RERG: variants seen among roughly 807,000 people sequenced by gnomAD.
RERG encodes the protein ras-related and estrogen-regulated growth inhibitor.
Under a neutral mutation model 23.2 loss-of-function variants are expected in RERG, and 25 were observed. That is an observed-to-expected ratio of 1.08 (90% CI 0.79 to 1.50). The LOEUF (loss-of-function observed/expected upper bound fraction) is 1.50. Among genes scored for constraint, RERG ranks in the 40% most tolerant of loss-of-function variants. The pLI, the probability that RERG is intolerant of heterozygous loss-of-function variation, is 0.00. For missense variants in RERG, 253 were observed against 250.1 expected, an observed-to-expected ratio of 1.01 and a Z score of -0.08; for synonymous variants, 81 against 89.1, an observed-to-expected ratio of 0.91 and a Z score of 0.51.
At chr12:15,126,946 C>G (rs1863958936) in intron 2 of RERG, among the ~76,000 whole-genome samples, 1 of 151,972 alleles carries the variant, frequency 6.6e-6, no homozygotes, top group Non-Finnish European at 1.5e-5. Flanking sequence ...TCTTGATCTC[C>G]TGACCTTGTG....
At chr12:15,144,632 C>T (rs1188241210) in intron 2 of RERG, among the ~76,000 whole-genome samples, 1 of 152,062 alleles carries the variant, frequency 6.6e-6, no homozygotes, top group Admixed American at 6.6e-5. Context: ...AATTGGTGGC[C>T]GAGTGGTGTG....
chr12:15,141,035 A>T (rs1168075709), intron 2 of RERG, among the ~76,000 whole-genome samples: 1 of 152,062 alleles, frequency 6.6e-6, no homozygotes, highest in African/African-American at 2.4e-5. Flanking sequence ...AACTATGTGT[A>T]CATCTTTTGA....
chr12:15,172,313 T>C (rs866793175), intron 2 of RERG, among the ~76,000 whole-genome samples: 1 of 152,180 alleles, frequency 6.6e-6, no homozygotes, highest in African/African-American at 2.4e-5. Context: ...TTTGAGTAAG[T>C]ATTTCTTTTT....
intron 2 of RERG, among the ~76,000 whole-genome samples, chr12:15,181,103 C>T (rs1354116979): frequency 6.6e-6 from 1 of 152,076 alleles, no homozygotes; most frequent in Admixed American, 6.6e-5. Context: ...TTTTGGTTCA[C>T]CTTCTGCCGC....
intron 2 of RERG, among the ~76,000 whole-genome samples, chr12:15,177,055 G>A (rs891550942): frequency 6.6e-6 from 1 of 152,174 alleles, no homozygotes; most frequent in Non-Finnish European, 1.5e-5. Context: ...TCCTCATTCA[G>A]TTCATCTATA....
At chr12:15,128,206 TCCATGACCAGAAA>T (rs1460857021) in intron 2 of RERG, among the ~76,000 whole-genome samples, 1 of 152,200 alleles carries the variant, frequency 6.6e-6, no homozygotes, top group Non-Finnish European at 1.5e-5. Flanking sequence ...GGAGAAAATA[TCCATGACCAGAAA>T]CCATGGCAAC....
At chr12:15,166,503 G>GGATGGTGGT (rs1188931901) in intron 2 of RERG, among the ~76,000 whole-genome samples, 191 of 134,202 alleles carry the variant, frequency 1.4e-3, no homozygotes, top group Non-Finnish European at 2.6e-3. Context: ...ATGATGATGG[G>GGATGGTGGT]GATGGTGGTG....
intron 2 of RERG, among the ~76,000 whole-genome samples, chr12:15,184,889 A>G (rs1188283616): frequency 1.3e-5 from 2 of 152,186 alleles, no homozygotes; most frequent in African/African-American, 4.8e-5. Context: ...AGGCATAGAG[A>G]AGGACATTCT....
chr12:15,178,429 G>C (rs1218700411), intron 2 of RERG, among the ~76,000 whole-genome samples: 1 of 152,128 alleles, frequency 6.6e-6, no homozygotes, highest in African/African-American at 2.4e-5. Flanking sequence ...GAAATAATCA[G>C]TACACTATCT....
At chr12:15,130,004 T>C (rs1237016413) in intron 2 of RERG, among the ~76,000 whole-genome samples, 1 of 152,120 alleles carries the variant, frequency 6.6e-6, no homozygotes. Flanking sequence ...ATGGGGAATA[T>C]AATGGGAAAA....
chr12:15,164,483 G>A (rs963081926), intron 2 of RERG, among the ~76,000 whole-genome samples: 6 of 152,160 alleles, frequency 3.9e-5, no homozygotes, highest in African/African-American at 1.2e-4. Context: ...ATATTGATCC[G>A]AAAAGGATTG....
intron 2 of RERG, among the ~76,000 whole-genome samples, chr12:15,160,481 G>T (rs571843755): frequency 6.6e-6 from 1 of 152,064 alleles, no homozygotes; most frequent in Non-Finnish European, 1.5e-5. Flanking sequence ...CACCGCAAAA[G>T]GTATGCAGAA....
At chr12:15,170,904 C>T (rs912529692) in intron 2 of RERG, among the ~76,000 whole-genome samples, 1 of 152,242 alleles carries the variant, frequency 6.6e-6, no homozygotes, top group Non-Finnish European at 1.5e-5. Flanking sequence ...TCTTCTACTA[C>T]ATGACTGTGT....
At chr12:15,164,673 C>T (rs1384709009) in intron 2 of RERG, among the ~76,000 whole-genome samples, 1 of 152,160 alleles carries the variant, frequency 6.6e-6, no homozygotes, top group Non-Finnish European at 1.5e-5. Context: ...CCAACAGAAC[C>T]ACTGTTTACT....
chr12:15,172,116 G>A (rs936097253), intron 2 of RERG, among the ~76,000 whole-genome samples: 3 of 152,070 alleles, frequency 2.0e-5, no homozygotes, highest in South Asian at 2.1e-4. Context: ...AACCCCATAT[G>A]CATTAGCAGT....
chr12:15,195,988 A>C (rs753929796), intron 2 of RERG, among the ~76,000 whole-genome samples: 1 of 152,164 alleles, frequency 6.6e-6, no homozygotes, highest in Non-Finnish European at 1.5e-5. Flanking sequence ...CATAATGCTC[A>C]ATGGTTTGCA....
intron 2 of RERG, among the ~76,000 whole-genome samples, chr12:15,156,913 CT>C (rs1294379586): frequency 6.6e-6 from 1 of 152,166 alleles, no homozygotes; most frequent in Non-Finnish European, 1.5e-5. Flanking sequence ...TAGTGCCTAT[CT>C]CATAGAGATA....
intron 1 of RERG, among the ~76,000 whole-genome samples, chr12:15,220,904 G>A (rs1399128474): frequency 6.6e-6 from 1 of 152,194 alleles, no homozygotes; most frequent in Non-Finnish European, 1.5e-5. Flanking sequence ...AACTCAACAG[G>A]TATCTTGCAA....
chr12:15,128,627 C>T (rs1419377631), intron 2 of RERG, among the ~76,000 whole-genome samples: 1 of 152,078 alleles, frequency 6.6e-6, no homozygotes, highest in Non-Finnish European at 1.5e-5. Flanking sequence ...AAAAGGGAGG[C>T]CAGATTGAGG....
Sources: allele counts gnomAD v4.1 joint callset (sites outside exome capture counted in the v4.1 genomes callset), GRCh38; gene constraint gnomAD v4.1.1; transcripts MANE v1.5; gene names NCBI Gene and HGNC (gene_info 2026-07-23, HGNC 2026-07-21).